Variants in RPTOR observed in about 807,000 individuals in gnomAD.
The protein encoded by RPTOR is regulatory-associated protein of mTOR.
A neutral mutation model predicts 169.9 loss-of-function variants in RPTOR; 21 were observed. The ratio of observed to expected loss-of-function variants is 0.12; its 90% confidence interval spans 0.09 to 0.18. The LOEUF (loss-of-function observed/expected upper bound fraction) is 0.18. RPTOR is among the 10% of genes least tolerant of loss of function. The probability of loss-of-function intolerance (pLI) is 1.00; values close to 1 mark genes in which losing one functional copy is unlikely to be tolerated. For synonymous variants in RPTOR, 732 were observed against 753.2 expected (o/e 0.97, Z 0.46); for missense variants, 1,133 against 1,855.9 (o/e 0.61, Z 7.16).
In RPTOR at chr17:80,678,514, A is replaced by G. The variant is rs571370265; in HGVS notation, c.349-29327A>G. Among the ~76,000 whole-genome samples, 4 of 152,312 alleles carry G rather than the reference A, an allele frequency of 2.6e-5. No homozygotes were observed. In the South Asian group the frequency reaches 6.2e-4, roughly 24 times the overall value. ...ATTATACTATTGTTATGTAAGACCT[A>G]ATGGTCGGGCATGTTGGGTTAAGGC... On this transcript the variant is annotated intron_variant, in intron 3 of 33. Transcript: ENST00000306801.
chr17:80,619,036 CTT>C (rs2065335356), intron 1 of RPTOR, among the ~76,000 whole-genome samples: 1 of 152,158 alleles, frequency 6.6e-6, no homozygotes, highest in African/African-American at 2.4e-5. Flanking sequence ...TTCTGACTCT[CTT>C]TATAAATTAT....
At chr17:80,919,178 GACTT>G (rs1486751107) in intron 21 of RPTOR, among the ~76,000 whole-genome samples, 2 of 152,164 alleles carry the variant, frequency 1.3e-5, no homozygotes, top group African/African-American at 4.8e-5. Context: ...TAATACCTAG[GACTT>G]ACTTTTCCAA....
chr17:80,960,000 G>A lies in RPTOR; in HGVS notation c.3478-78G>A. On this transcript the variant is annotated intron_variant, in intron 29 of 33. Transcript: ENST00000306801. This position sits in a 1 kb window ranked among gnomAD's most constrained non-coding sequence, Gnocchi z 6.7. ...CCCACAGCCAGGCAGGCAGCAAGAGGGGTCCTGGCGCTGCAGGACAGCAGG... is the reference window on the plus strand; with the variant it reads ...CCCACAGCCAGGCAGGCAGCAAGAGAGGTCCTGGCGCTGCAGGACAGCAGG... The A allele has an allele frequency of 1.3e-6, 2 of 1,555,940 alleles. No homozygotes were observed. Among genetic ancestry groups the A allele is most frequent in the South Asian group, 1.1e-5 (1 of 87,864 alleles).
At chr17:80,843,452 A>G (rs541885017) in intron 10 of RPTOR, among the ~76,000 whole-genome samples, 18 of 151,728 alleles carry the variant, frequency 1.2e-4, no homozygotes, top group African/African-American at 4.4e-4. Flanking sequence ...GTTTATTGAG[A>G]TAGTAGGAGA....
intron 8 of RPTOR, 40 bp downstream of exon 8, chr17:80,822,341 C>G (rs372870603): frequency 8.8e-6 from 14 of 1,585,962 alleles, no homozygotes; most frequent in Non-Finnish European, 1.2e-5. Context: ...AGGCTATGGC[C>G]TTGAGTGCGC....
At chr17:80,615,328 C>T (rs1017037204) in intron 1 of RPTOR, among the ~76,000 whole-genome samples, 5 of 152,172 alleles carry the variant, frequency 3.3e-5, no homozygotes, top group Non-Finnish European at 4.4e-5. Context: ...CCTCGAGTCT[C>T]AGGGTCTAGA....
intron 21 of RPTOR, among the ~76,000 whole-genome samples, chr17:80,919,989 C>T (rs1212408378): frequency 6.6e-6 from 1 of 152,214 alleles, no homozygotes; most frequent in African/African-American, 2.4e-5. Flanking sequence ...CTGTGCGGGC[C>T]GCACTCAGCC....
Position 80,646,582 on chromosome 17 carries a change from TA to T in RPTOR, c.348+2775del, listed in dbSNP as rs1407616072. Among the ~76,000 whole-genome samples, 1 of 152,146 alleles carries T rather than the reference TA, an allele frequency of 6.6e-6. No homozygotes were observed. The highest frequency in any genetic ancestry group is 1.5e-5 in the Non-Finnish European group (1 of 68,022). On this transcript the variant is annotated intron_variant, in intron 3 of 33. Transcript: ENST00000306801. The surrounding 1 kb of genome is among the most constrained non-coding windows in gnomAD (Gnocchi z 5.0). The stretch of plus-strand genomic sequence containing the variant: ...GTGCAAGGGGCCTGGTTCCTGACTG[TA>T]AATCAGGGTCCTTTGAAACATTGCA...
intron 14 of RPTOR, among the ~76,000 whole-genome samples, chr17:80,882,193 A>G (rs542594546): frequency 4.5e-4 from 69 of 152,346 alleles, no homozygotes; most frequent in South Asian, 2.5e-3. Context: ...AACGTTCACC[A>G]TGTAGCCAGC....
chr17:80,737,460 G>A (rs1442457031), intron 5 of RPTOR, among the ~76,000 whole-genome samples: 1 of 152,180 alleles, frequency 6.6e-6, no homozygotes, highest in African/African-American at 2.4e-5. Context: ...GGTGGTGGAG[G>A]ATCATTGCAG....
At chr17:80,930,466 ATCCCC>A (rs2068881809) in intron 24 of RPTOR, among the ~76,000 whole-genome samples, 3 of 151,572 alleles carry the variant, frequency 2.0e-5, no homozygotes, top group Non-Finnish European at 2.9e-5. Flanking sequence ...TCCCCAGCTC[ATCCCC>A]AGCTCATCCC....
chr17:80,547,556 T>TG (rs772445314), intron 1 of RPTOR, among the ~76,000 whole-genome samples: 41 of 152,300 alleles, frequency 2.7e-4, no homozygotes, highest in Non-Finnish European at 4.3e-4. Context: ...AGAAAGGAGC[T>TG]GGGGAGAAAG....
intron 5 of RPTOR, among the ~76,000 whole-genome samples, chr17:80,742,366 G>T (rs1397182244): frequency 6.6e-6 from 1 of 152,022 alleles, no homozygotes; most frequent in Non-Finnish European, 1.5e-5. Flanking sequence ...ATTCCAGAAG[G>T]GGATGGCAGC....
At chr17:80,789,240 A>C (rs1245864056) in intron 6 of RPTOR, among the ~76,000 whole-genome samples, 2 of 152,096 alleles carry the variant, frequency 1.3e-5, no homozygotes, top group Admixed American at 6.5e-5. Flanking sequence ...ATAGTATACT[A>C]TCTGTTGTGG....
intron 1 of RPTOR, among the ~76,000 whole-genome samples, chr17:80,622,359 C>T (rs2065360806): frequency 6.6e-6 from 1 of 152,210 alleles, no homozygotes; most frequent in African/African-American, 2.4e-5. Context: ...GCAGTTTATC[C>T]TCAAAGGCTG....
At chr17:80,556,213 A>G (rs1343616801) in intron 1 of RPTOR, among the ~76,000 whole-genome samples, 3 of 151,982 alleles carry the variant, frequency 2.0e-5, no homozygotes, top group African/African-American at 7.2e-5. Flanking sequence ...TCCACAGACA[A>G]TAAGATCTTT....
At position 80,860,110 on chromosome 17, in the gene RPTOR, C is replaced by G. The variant is rs891864427; in HGVS notation, c.1509+2210C>G. Among the ~76,000 whole-genome samples, 2 of 152,328 alleles carry G rather than the reference C, an allele frequency of 1.3e-5. No individual in the cohort carries two copies. Among genetic ancestry groups the G allele is most frequent in the African/African-American group, 4.8e-5 (2 of 41,578 alleles). ...GGGGAGAGTGGACGGAGCTTAAGCC[C>G]CCGGGGCTCCTGCCTGCTGCCCGGC... On this transcript the variant is annotated intron_variant, in intron 13 of 33. Transcript: ENST00000306801. The surrounding 1 kb of genome is among the most constrained non-coding windows in gnomAD (Gnocchi z 5.8).
intron 6 of RPTOR, among the ~76,000 whole-genome samples, chr17:80,781,750 T>C (rs1179345253): frequency 6.6e-6 from 1 of 152,242 alleles, no homozygotes; most frequent in African/African-American, 2.4e-5. Context: ...CCTATTGCTA[T>C]GGGAAGGCAA....
Position 80,689,102 on chromosome 17 carries a change from T to G in RPTOR, c.349-18739T>G, listed in dbSNP as rs370273389. Among the ~76,000 whole-genome samples, 20 of 152,360 alleles carry G rather than the reference T, an allele frequency of 1.3e-4. No individual in the cohort carries two copies. The South Asian group carries it at 4.1e-3, about 32-fold the overall frequency. On this transcript the variant is annotated intron_variant, in intron 3 of 33. Coordinates refer to ENST00000306801, the MANE Select transcript of RPTOR (RefSeq NM_020761.3). Reference sequence around the variant, plus strand: ...GGCACCTTAAGGTGTTTTAAACATTTATCAAACGGTTTCATATGTATGGAG... The same window carrying G: ...GGCACCTTAAGGTGTTTTAAACATTGATCAAACGGTTTCATATGTATGGAG...
Sources: allele counts gnomAD v4.1 joint callset (sites outside exome capture counted in the v4.1 genomes callset), GRCh38; gene constraint gnomAD v4.1.1; non-coding constraint Gnocchi (gnomAD v3.1); transcripts MANE v1.5; gene names NCBI Gene and HGNC (gene_info 2026-07-23, HGNC 2026-07-21).